Variants in FAT2 observed in about 807,000 individuals in gnomAD.
The protein encoded by FAT2 is FAT atypical cadherin 2, also known as protocadherin Fat 2.
A neutral mutation model predicts 295.3 loss-of-function variants in FAT2; 150 were observed. The observed-to-expected ratio is 0.51, with a 90% CI of 0.44 to 0.58. The LOEUF is 0.58. Ranked by LOEUF, FAT2 falls within the 20% of genes least tolerant of loss-of-function variation. The pLI is 0.00. For synonymous variants in FAT2, 2,026 were observed against 2,150.3 expected (o/e 0.94, Z 1.60); for missense variants, 4,868 against 5,442.7 (o/e 0.89, Z 3.32).
chr5:151,550,512 T>G lies in FAT2; in HGVS notation c.4578+78A>C, dbSNP rs530977078. On this transcript the variant is annotated intron_variant, in intron 8 of 23. Transcript: ENST00000261800. ...GTCCTTATGAGGGGAAGGGGGACCTTCAGCATGTCTCCAAGCATGTCCACC... is the reference window on the plus strand; with the variant it reads ...GTCCTTATGAGGGGAAGGGGGACCTGCAGCATGTCTCCAAGCATGTCCACC... The G allele has an allele frequency of 2.0e-6, 3 of 1,498,718 alleles. No homozygotes were observed. The South Asian group carries it at 3.7e-5, about 19-fold the overall frequency. The allele number at this position is 1,498,718 out of a possible 1,614,324, so 92.8% of individuals were successfully genotyped here. A position where few individuals can be genotyped will look rare whatever the true frequency, so the allele number is the denominator to read the frequency against.
At chr5:151,515,871 T>A (rs759060926) in intron 20 of FAT2, among the ~76,000 whole-genome samples, 3 of 152,234 alleles carry the variant, frequency 2.0e-5, no homozygotes, top group Non-Finnish European at 2.9e-5. Flanking sequence ...ATTGCAATTA[T>A]CTGCTCAAAA....
intron 2 of FAT2, among the ~76,000 whole-genome samples, chr5:151,565,118 A>C (rs1161503024): frequency 1.3e-5 from 2 of 152,330 alleles, no homozygotes; most frequent in African/African-American, 4.8e-5. Context: ...CAGGCATATA[A>C]GTAAAAGTAT....
At position 151,554,611 on chromosome 5, in the gene FAT2, G is replaced by T; in HGVS notation, c.3696C>A (p.Ile1232=). Residue 1232 remains isoleucine, a synonymous_variant, in exon 5 of 24, where the codon ATC becomes ATA. Coordinates refer to ENST00000261800, the MANE Select transcript of FAT2 (RefSeq NM_001447.3). ...LKSTSRVVVG[I]LDVNDNPPIF... ...TAGGTGGATTGTCATTGACGTCCAA[G>T]ATGCCTACCACCACCCTGGAGGTGG... 1 of 1,614,158 alleles carries T rather than the reference G, an allele frequency of 6.2e-7. No homozygotes were observed. The highest frequency in any genetic ancestry group is 8.5e-7 in the Non-Finnish European group (1 of 1,180,016).
rs566313491 is a variant in FAT2, at chr5:151,588,194, TG to T, written c.-21+2970del. Among the ~76,000 whole-genome samples the T allele has an allele frequency of 1.1e-4, 16 of 152,288 alleles. No individual in the cohort carries two copies. The East Asian group carries it at 2.9e-3, about 28-fold the overall frequency. Reference sequence around the variant, plus strand: ...AGAGGAGTCTGATTGATGATGTTTTTGTCCCCTGGAGGGCAGCTTACAATCC... The same window carrying T: ...AGAGGAGTCTGATTGATGATGTTTTTTCCCCTGGAGGGCAGCTTACAATCC... On this transcript the variant is annotated intron_variant, in intron 1 of 23. Coordinates refer to ENST00000261800, the MANE Select transcript of FAT2 (RefSeq NM_001447.3).
Position 151,542,703 on chromosome 5 carries a change from C to A in FAT2, c.8424G>T (p.Glu2808Asp). ...TGACTGAGGTCCCCACTGGCATATT[C>A]TCAGTGAGGACAGCCTTATATGGAT... is the stretch of plus-strand genomic sequence containing the variant. Reference protein sequence around the residue: ...EADPYKAVLTENMPVGTSVIQ... With the variant: ...EADPYKAVLTDNMPVGTSVIQ... The change falls in exon 10 of 24, where the codon GAG becomes GAT. Residue 2808 changes from glutamate to aspartate, a missense_variant. By Grantham distance (45) the Glu-to-Asp change is conservative (BLOSUM62 2). Transcript: ENST00000261800. The A allele has an allele frequency of 6.2e-7, 1 of 1,614,220 alleles. No individual in the cohort carries two copies. Among genetic ancestry groups the A allele is most frequent in the Non-Finnish European group, 8.5e-7 (1 of 1,180,048 alleles).
intron 1 of FAT2, among the ~76,000 whole-genome samples, chr5:151,579,864 T>G (rs1286173495): frequency 6.6e-6 from 1 of 151,826 alleles, no homozygotes; most frequent in Non-Finnish European, 1.5e-5. Context: ...AAATAAATGC[T>G]AGCTGTTGTT....
At chr5:151,573,817 G>T in intron 1 of FAT2, among the ~76,000 whole-genome samples, 1 of 152,154 alleles carries the variant, frequency 6.6e-6, no homozygotes, top group East Asian at 1.9e-4. Context: ...TCAGGATCTT[G>T]ATTCCGACAT....
chr5:151,564,220 C>A (rs936229955), intron 2 of FAT2, among the ~76,000 whole-genome samples: 9 of 152,230 alleles, frequency 5.9e-5, no homozygotes, highest in Non-Finnish European at 7.3e-5. Flanking sequence ...AAGAAGCTTA[C>A]ACCTGAAGTT....
At chr5:151,594,101 T>C (rs1759505370), upstream of FAT2, among the ~76,000 whole-genome samples, 1 of 152,238 alleles carries the variant, frequency 6.6e-6, no homozygotes, top group South Asian at 2.1e-4. Context: ...TAGGTGCTAT[T>C]ATCATTCTCT....
chr5:151,545,743 T>G lies in FAT2; in HGVS notation c.5384A>C (p.Glu1795Ala), dbSNP rs745928365. Residue 1795 changes from glutamate to alanine, a missense_variant, in exon 10 of 24, where the codon GAA becomes GCA. Glu to Ala is a moderately radical substitution (Grantham distance 107). Coordinates refer to ENST00000261800, the MANE Select transcript of FAT2 (RefSeq NM_001447.3). ...FVIHASDSDK[E>A]ANSLLVYKIL... The stretch of plus-strand genomic sequence containing the variant: ...TTTATAGACCAACAAGGAATTAGCT[T>G]CTTTGTCACTGTCAGAGGCATGAAT... 6.7e-5 allele frequency: 108 copies of G among 1,613,946 alleles called. 1 individual carries two copies. The highest frequency in any genetic ancestry group is 9.2e-5 in the Non-Finnish European group (108 of 1,180,026).
At chr5:151,560,305 T>C (rs1757965289) in intron 3 of FAT2, among the ~76,000 whole-genome samples, 1 of 152,234 alleles carries the variant, frequency 6.6e-6, no homozygotes, top group East Asian at 1.9e-4. Flanking sequence ...TGGTCTCTAT[T>C]ATAATCTCCA....
chr5:151,526,025 C>G (rs1463765395), intron 17 of FAT2, 60 bp from the exon 18 acceptor site: 1 of 1,529,636 alleles, frequency 6.5e-7, no homozygotes, highest in Admixed American at 1.8e-5. Context: ...CTTCCTTTCG[C>G]ACGTGTCTGG....
chr5:151,525,754 A>T lies in FAT2; in HGVS notation c.10506+14T>A, dbSNP rs755885599. 3 of 1,614,032 alleles carry T rather than the reference A, an allele frequency of 1.9e-6. No individual in the cohort carries two copies. Among genetic ancestry groups the T allele is most frequent in the East Asian group, 4.5e-5 (2 of 44,888 alleles). On this transcript the variant is annotated intron_variant, in intron 18 of 23. Transcript: ENST00000261800. ...TCCCCATGGTCACCACCAGAAGCCT[A>T]GCACAGCTCTCACCTGGATCTGAAG...
chr5:151,505,507 A>C lies in FAT2; in HGVS notation c.*58T>G. The C allele has an allele frequency of 6.2e-7, 1 of 1,601,252 alleles. No individual in the cohort carries two copies. Among genetic ancestry groups the C allele is most frequent in the Non-Finnish European group, 8.5e-7 (1 of 1,173,756 alleles). On this transcript the variant is annotated 3_prime_UTR_variant, in exon 24 of 24. Transcript: ENST00000261800. ...TCAACTCACCCCCTACGAGACAGGA[A>C]GAAATAAGCCAAGTCCAGTCCTTGG...
rs772211684 is a variant in FAT2, at chr5:151,567,492, C to T, written c.1440G>A (p.Val480=). 1 of 1,614,106 alleles carries T rather than the reference C, an allele frequency of 6.2e-7. No homozygotes were observed. The highest frequency in any genetic ancestry group is 2.2e-5 in the East Asian group (1 of 44,882). Residue 480 remains valine (V), a synonymous_variant, in exon 2 of 24, where the codon GTG becomes GTA. Transcript: ENST00000261800. ...CCCCATGATCCCGGTCAGTGGCAGT[C>T]ACAGCCAAAACACTGGTGCCTGGAG... ...NIPPGTSVLA[V]TATDRDHGEN...
At chr5:151,555,666 G>A (rs1757631815) in intron 4 of FAT2, among the ~76,000 whole-genome samples, 1 of 152,116 alleles carries the variant, frequency 6.6e-6, no homozygotes, top group Non-Finnish European at 1.5e-5. Context: ...CACCGTGCCT[G>A]GCTAATAACA....
rs771078854 is a variant in FAT2, at chr5:151,505,642, G to T, written c.12973C>A (p.Pro4325Thr). The stretch of plus-strand genomic sequence containing the variant: ...CCCTCATAGTTGGGGGGCACCCGGG[G>T]CTGGCCCTGGCCTGCAAGAGGTGCC... ...EGAPLAGQGQ[P>T]RVPPNYEGSD... Residue 4325 changes from proline (P) to threonine (T), a missense_variant, in exon 24 of 24, where the codon CCC becomes ACC. This residue lies in a region of FAT2 where 492 missense variants were observed against 482.6 expected (regional missense o/e 1.02). Coordinates refer to ENST00000261800, the MANE Select transcript of FAT2 (RefSeq NM_001447.3). 4.3e-6 allele frequency: 7 copies of T among 1,614,028 alleles called. No homozygotes were observed. The highest frequency in any genetic ancestry group is 5.9e-6 in the Non-Finnish European group (7 of 1,180,032).
intron 23 of FAT2, among the ~76,000 whole-genome samples, chr5:151,506,377 A>C (rs1173795607): frequency 2.0e-5 from 3 of 152,168 alleles, no homozygotes; most frequent in African/African-American, 7.2e-5. Context: ...TCTCCATGCA[A>C]CCCACCCCCA....
chr5:151,550,538 C>T (rs1757098531), intron 8 of FAT2, 52 bp downstream of exon 8: 1 of 1,583,986 alleles, frequency 6.3e-7, no homozygotes, highest in Non-Finnish European at 8.6e-7. Flanking sequence ...CATGTCCACC[C>T]CTACACATCT....
Sources: gnomAD v4.1 joint callset for allele counts (sites outside exome capture counted in the v4.1 genomes callset) on GRCh38, gnomAD v4.1.1 for gene constraint, gnomAD v4.1.1 regional missense constraint, MANE v1.5 for transcripts, NCBI Gene and HGNC (gene_info 2026-07-23, HGNC 2026-07-21) for gene names.